Variants in NTN1 observed in about 807,000 individuals in gnomAD.
NTN1 encodes netrin-1.
In NTN1, 11 loss-of-function variants were observed where a neutral mutation model predicts 54.2. The observed-to-expected ratio is 0.20, with a 90% CI of 0.13 to 0.34. The LOEUF is 0.34. Ranked by LOEUF, NTN1 falls within the 10% of genes least tolerant of loss-of-function variation. The pLI, the probability that NTN1 is intolerant of heterozygous loss-of-function variation, is 1.00. For missense variants in NTN1, 740 were observed against 893.1 expected (o/e 0.83, Z 2.18); for synonymous variants, 371 against 382.0 (o/e 0.97, Z 0.33).
At chr17:9,236,605 C>A (rs564735439) in intron 6 of NTN1, among the ~76,000 whole-genome samples, 2 of 152,284 alleles carry the variant, frequency 1.3e-5, no homozygotes, top group Admixed American at 6.5e-5. Flanking sequence ...CCTGCCCCTG[C>A]GGCCAGGACA....
At chr17:9,178,705 A>T (rs2092408797) in intron 3 of NTN1, among the ~76,000 whole-genome samples, 2 of 152,190 alleles carry the variant, frequency 1.3e-5, no homozygotes, top group African/African-American at 4.8e-5. Context: ...CTTACTGCAG[A>T]CGACTCCCCA....
At chr17:9,006,390 G>A in the NTN1 span, among the ~76,000 whole-genome samples, 32 of 152,248 alleles carry the variant, frequency 2.1e-4, no homozygotes, top group Non-Finnish European at 4.3e-4. Flanking sequence ...TCAGATCTTC[G>A]CTGAGGGGGC....
rs1392123360 is a variant in NTN1, at chr17:9,222,352, A to G, written c.1486+1110A>G. ...CTGCCAGCCCCAGCACCTCCTGGCC[A>G]CCTCTGGGAAGGCAGAACGACCTCT... is the stretch of plus-strand genomic sequence containing the variant. On this transcript the variant is annotated intron_variant, in intron 6 of 6. Coordinates refer to ENST00000173229, the MANE Select transcript of NTN1 (RefSeq NM_004822.3). 2.6e-5 allele frequency among the ~76,000 whole-genome samples: 4 copies of G among 152,148 alleles called. No individual in the cohort carries two copies. The East Asian group carries it at 7.7e-4, about 29-fold the overall frequency.
At position 9,241,590 on chromosome 17, in the gene NTN1, A is replaced by C. The variant is rs775855262; in HGVS notation, c.*1622A>C. The C allele has an allele frequency of 6.6e-6, 1 of 152,268 alleles. No individual in the cohort carries two copies. The highest frequency in any genetic ancestry group is 1.5e-5 in the Non-Finnish European group (1 of 68,112). The allele number at this position is 152,268 out of a possible 1,614,324, so 9.4% of individuals were successfully genotyped here. A position where few individuals can be genotyped will look rare whatever the true frequency, so the allele number is the denominator to read the frequency against. The stretch of plus-strand genomic sequence containing the variant: ...TTTCCCGGCCAGAGTTTGGCTGCTC[A>C]AAAGGGTCATACCAAGTATGAAGCT... On this transcript the variant is annotated 3_prime_UTR_variant, in exon 7 of 7. Coordinates refer to ENST00000173229, the MANE Select transcript of NTN1 (RefSeq NM_004822.3).
intron 2 of NTN1, among the ~76,000 whole-genome samples, chr17:9,078,441 T>G (rs565194729): frequency 6.6e-6 from 1 of 152,334 alleles, no homozygotes; most frequent in South Asian, 2.1e-4. Flanking sequence ...GGATGGAGCG[T>G]GAGCATCCTG....
chr17:9,072,026 A>G (rs1054157820), intron 2 of NTN1, among the ~76,000 whole-genome samples: 1 of 152,200 alleles, frequency 6.6e-6, no homozygotes, highest in African/African-American at 2.4e-5. Flanking sequence ...CTGAGCACAC[A>G]CGCAGCCCCG....
At chr17:9,077,654 T>C (rs2092055660) in intron 2 of NTN1, among the ~76,000 whole-genome samples, 1 of 152,222 alleles carries the variant, frequency 6.6e-6, no homozygotes, top group Admixed American at 6.5e-5. Flanking sequence ...GTGGGAAAAG[T>C]TGATAAAGAT....
At chr17:9,095,009 A>G (rs1293705053) in intron 2 of NTN1, among the ~76,000 whole-genome samples, 1 of 108,060 alleles carries the variant, frequency 9.3e-6, no homozygotes, top group African/African-American at 3.0e-5. Flanking sequence ...AAAAAAAAAA[A>G]AAAGAAACAG....
chr17:9,127,726 G>T (rs1271871229), intron 2 of NTN1, among the ~76,000 whole-genome samples: 1 of 152,172 alleles, frequency 6.6e-6, no homozygotes, highest in Non-Finnish European at 1.5e-5. Context: ...GAAAACATGT[G>T]CCACCACCAA....
chr17:9,054,673 G>C (rs191720517), intron 2 of NTN1, among the ~76,000 whole-genome samples: 92 of 152,248 alleles, frequency 6.0e-4, no homozygotes, highest in Non-Finnish European at 1.1e-3. Flanking sequence ...AGAGAGCACC[G>C]TGAGTTTGGC....
intron 3 of NTN1, among the ~76,000 whole-genome samples, chr17:9,166,811 A>G (rs2092374712): frequency 6.6e-6 from 1 of 151,848 alleles, no homozygotes; most frequent in African/African-American, 2.4e-5. Context: ...GGGCCTCTTT[A>G]CCCCAGACTT....
intron 2 of NTN1, among the ~76,000 whole-genome samples, chr17:9,143,900 T>C (rs1429119928): frequency 4.8e-5 from 7 of 146,268 alleles, no homozygotes. Context: ...TTTACCTGCT[T>C]TTTTTTTTTT....
At chr17:9,115,952 G>A (rs2872616) in intron 2 of NTN1, among the ~76,000 whole-genome samples, 42,195 of 152,254 alleles carry the variant, frequency 0.28, 6,846 homozygotes, top group East Asian at 0.72. Flanking sequence ...AACATGAGCC[G>A]AAGGGGCGGA....
chr17:9,007,484 T>G, the NTN1 span, among the ~76,000 whole-genome samples: 5 of 151,114 alleles, frequency 3.3e-5, no homozygotes, highest in East Asian at 9.7e-4. Context: ...CATTCATTCA[T>G]TCTTTCTTTC....
In NTN1 at chr17:9,221,212, A is replaced by G. The variant is rs759450158; in HGVS notation, c.1456A>G (p.Asn486Asp). ...CKASKGKLKINMKKYCKKDYA... is the reference protein window; with the variant it reads ...CKASKGKLKIDMKKYCKKDYA... ...GGCCTCCAAGGGGAAGCTGAAGATT[A>G]ACATGAAAAAGTACTGCAAGAAGGA... is the stretch of plus-strand genomic sequence containing the variant. The change falls in exon 6 of 7, where the codon AAC becomes GAC. Residue 486 changes from asparagine to aspartate, a missense_variant. Physicochemically the swap from Asn to Asp is conservative, Grantham distance 23. Transcript: ENST00000173229. The surrounding 1 kb of genome is among the most constrained non-coding windows in gnomAD (Gnocchi z 4.5). 5.6e-6 allele frequency: 9 copies of G among 1,611,032 alleles called. No homozygotes were observed. Among genetic ancestry groups the G allele is most frequent in the Non-Finnish European group, 7.6e-6 (9 of 1,179,516 alleles).
rs1473552137 is a variant in NTN1, at chr17:9,221,398, C to A, written c.1486+156C>A. On this transcript the variant is annotated intron_variant, in intron 6 of 6. Transcript: ENST00000173229. This position sits in a 1 kb window ranked among gnomAD's most constrained non-coding sequence, Gnocchi z 4.5. The stretch of plus-strand genomic sequence containing the variant: ...GGACGGATCCCACGCCTGGGAATTT[C>A]TCATCTTTTCCTCCTTGGCCCTCAG... Among the ~76,000 whole-genome samples the A allele has an allele frequency of 6.6e-6, 1 of 152,192 alleles. No homozygotes were observed. The highest frequency in any genetic ancestry group is 1.5e-5 in the Non-Finnish European group (1 of 68,036).
At position 9,091,451 on chromosome 17, in the gene NTN1, C is replaced by G. The variant is rs867845062; in HGVS notation, c.1018+68060C>G. Among the ~76,000 whole-genome samples, 7 of 123,070 alleles carry G rather than the reference C, an allele frequency of 5.7e-5. No individual in the cohort carries two copies. The South Asian group carries it at 1.8e-3, about 31-fold the overall frequency. 80.7% of individuals were successfully genotyped at this position (123,070 alleles called of 152,430 possible). ...AAACTGGATCCTACGTTTAACCCCC[C>G]GCCTTTTTTTTTTTTTTTTGAGATG... On this transcript the variant is annotated intron_variant, in intron 2 of 6. Coordinates refer to ENST00000173229, the MANE Select transcript of NTN1 (RefSeq NM_004822.3).
chr17:9,019,743 G>C (rs1249027593), upstream of NTN1, among the ~76,000 whole-genome samples: 2 of 152,234 alleles, frequency 1.3e-5, no homozygotes, highest in Non-Finnish European at 2.9e-5. Flanking sequence ...TTCCTCCTAA[G>C]AGCTATGCTG....
upstream of NTN1, among the ~76,000 whole-genome samples, chr17:9,021,106 ATG>A (rs1175696300): frequency 1.3e-5 from 2 of 151,768 alleles, no homozygotes; most frequent in African/African-American, 2.4e-5. Context: ...ACAAACACAG[ATG>A]TGTTTGGCTG....
Sources: gnomAD v4.1 joint callset for allele counts (sites outside exome capture counted in the v4.1 genomes callset) on GRCh38, gnomAD v4.1.1 for gene constraint, Gnocchi (gnomAD v3.1) non-coding constraint, MANE v1.5 for transcripts, NCBI Gene and HGNC (gene_info 2026-07-23, HGNC 2026-07-21) for gene names.